The following APP variants were observed in gnomAD, a reference collection of about 807,000 sequenced individuals.
APP encodes amyloid beta precursor protein.
Under a neutral mutation model 101.4 loss-of-function variants are expected in APP, and 31 were observed. The observed-to-expected ratio is 0.31, with a 90% CI of 0.23 to 0.41. The LOEUF (loss-of-function observed/expected upper bound fraction) is 0.41, where lower values mean the gene tolerates loss of function less well. Among genes scored for constraint, APP ranks in the 10% least tolerant of loss-of-function variants. The pLI, the probability that APP is intolerant of heterozygous loss-of-function variation, is 1.00. For missense variants in APP, 839 were observed against 1,003.7 expected, an observed-to-expected ratio of 0.84 and a Z score of 2.22; for synonymous variants, 366 against 364.4, an observed-to-expected ratio of 1.00 and a Z score of -0.05.
In APP at chr21:26,000,279, CA is replaced by C; in HGVS notation, c.866-98del. 2.0e-6 allele frequency: 3 copies of C among 1,474,202 alleles called. No individual in the cohort carries two copies. In the East Asian group the frequency reaches 6.9e-5, roughly 34 times the overall value. The allele number at this position is 1,474,202 out of a possible 1,614,324, so 91.3% of individuals were successfully genotyped here. On this transcript the variant is annotated intron_variant, in intron 6 of 17. Coordinates refer to ENST00000346798, the MANE Select transcript of APP (RefSeq NM_000484.4). Reference sequence around the variant, plus strand: ...TTACTTCTTTTAATCCTCCCAGTGGCAACCTGGACTGGTTTATTAGGCAGCA... The same window carrying C: ...TTACTTCTTTTAATCCTCCCAGTGGCACCTGGACTGGTTTATTAGGCAGCA...
In APP at chr21:26,170,731, C is replaced by G. The variant is rs459543; in HGVS notation, c.-111G>C. On this transcript the variant is annotated 5_prime_UTR_variant, in exon 1 of 18. Transcript: ENST00000346798. ...GTCTCCCGGGGCCCCCGCGCACGCT[C>G]CTCCGCGTGCTCTCGCCTACCGCTG... 48,540 of 1,143,326 alleles carry G rather than the reference C, an allele frequency of 0.042. 2,437 individuals are homozygous for G. Among genetic ancestry groups the G allele is most frequent in the East Asian group, 0.19 (6,043 of 32,086 alleles). 70.8% of individuals were successfully genotyped at this position (1,143,326 alleles called of 1,614,324 possible).
chr21:26,104,628 A>G (rs1194514560), intron 2 of APP, among the ~76,000 whole-genome samples: 1 of 152,220 alleles, frequency 6.6e-6, no homozygotes, highest in Non-Finnish European at 1.5e-5. Flanking sequence ...CAAGGGCAAA[A>G]AAAACACTAT....
intron 3 of APP, among the ~76,000 whole-genome samples, chr21:26,083,404 T>C (rs1320143872): frequency 6.6e-6 from 1 of 152,166 alleles, no homozygotes; most frequent in Non-Finnish European, 1.5e-5. Flanking sequence ...CTAAAAATGT[T>C]AGGTGTAAAA....
rs977732850 is a variant in APP, at chr21:26,115,331, C to G, written c.58-3185G>C. On this transcript the variant is annotated intron_variant, in intron 1 of 17. Transcript: ENST00000346798. ...TTTCTCAAGTAAAATTTTTTCCCCCCGAACCAACACCAGATGTGTATATGG... is the reference window on the plus strand; with the variant it reads ...TTTCTCAAGTAAAATTTTTTCCCCCGGAACCAACACCAGATGTGTATATGG... Among the ~76,000 whole-genome samples the G allele has an allele frequency of 2.7e-5, 4 of 149,516 alleles. No homozygotes were observed. In the East Asian group the frequency reaches 6.0e-4, roughly 22 times the overall value.
At chr21:25,904,440 T>C (rs975539149) in intron 15 of APP, among the ~76,000 whole-genome samples, 4 of 152,276 alleles carry the variant, frequency 2.6e-5, no homozygotes, top group Non-Finnish European at 5.9e-5. Context: ...CATCCACATC[T>C]GTTGTGTTAC....
chr21:26,014,449 A>G (rs1329560419), intron 6 of APP, among the ~76,000 whole-genome samples: 1 of 152,172 alleles, frequency 6.6e-6, no homozygotes, highest in Non-Finnish European at 1.5e-5. Flanking sequence ...GTGCTCTATC[A>G]CCCAGTAAAT....
At chr21:25,913,794 C>CT (rs1046118405) in intron 13 of APP, among the ~76,000 whole-genome samples, 1 of 152,074 alleles carries the variant, frequency 6.6e-6, no homozygotes, top group African/African-American at 2.4e-5. Context: ...TCTTTTTACT[C>CT]TTTTTTTCTC....
chr21:26,031,716 C>CT (rs2044835699), intron 5 of APP, among the ~76,000 whole-genome samples: 1 of 151,520 alleles, frequency 6.6e-6, no homozygotes, highest in Admixed American at 6.6e-5. Flanking sequence ...TGGGTCCCTC[C>CT]ACAACATGTG....
intron 3 of APP, among the ~76,000 whole-genome samples, chr21:26,080,231 CT>C (rs1470612270): frequency 6.6e-6 from 1 of 152,094 alleles, no homozygotes; most frequent in Admixed American, 6.5e-5. Flanking sequence ...ACTTGTAACA[CT>C]TAATAATCTC....
intron 13 of APP, among the ~76,000 whole-genome samples, chr21:25,944,541 A>C (rs560049083): frequency 7.0e-4 from 107 of 152,234 alleles, no homozygotes; most frequent in Non-Finnish European, 1.4e-3. Flanking sequence ...AAGCAAATTA[A>C]CATGTCTTCC....
intron 9 of APP, among the ~76,000 whole-genome samples, chr21:25,976,636 G>A (rs1568794975): frequency 6.6e-6 from 1 of 152,168 alleles, no homozygotes; most frequent in African/African-American, 2.4e-5. Context: ...CAAGGATTAC[G>A]CTAAGTCCTT....
At chr21:25,989,106 G>A (rs747496902) in intron 8 of APP, among the ~76,000 whole-genome samples, 6 of 152,114 alleles carry the variant, frequency 3.9e-5, no homozygotes, top group African/African-American at 7.2e-5. Flanking sequence ...AGACACCAAC[G>A]AAACATTTTC....
At chr21:26,043,299 G>A (rs946599792) in intron 5 of APP, among the ~76,000 whole-genome samples, 2 of 151,958 alleles carry the variant, frequency 1.3e-5, no homozygotes, top group Non-Finnish European at 2.9e-5. Flanking sequence ...GCAGTGGTGC[G>A]ATCTCAGCTC....
intron 13 of APP, among the ~76,000 whole-genome samples, chr21:25,953,686 C>T (rs1337189957): frequency 6.6e-6 from 1 of 152,144 alleles, no homozygotes; most frequent in Admixed American, 6.5e-5. Flanking sequence ...CATCTATGTA[C>T]CTTTGTGAAG....
At chr21:26,104,998 T>G (rs1056656934) in intron 2 of APP, among the ~76,000 whole-genome samples, 8 of 144,840 alleles carry the variant, frequency 5.5e-5, no homozygotes, top group African/African-American at 2.1e-4. Flanking sequence ...CCACCACTAT[T>G]GGGAGAAAAA....
At chr21:26,051,277 C>T in intron 4 of APP, 84 bp from the exon 5 acceptor site, 3 of 1,348,930 alleles carry the variant, frequency 2.2e-6, no homozygotes, top group Admixed American at 3.9e-5. Flanking sequence ...AATCAACATG[C>T]AGACCCAATA....
intron 15 of APP, among the ~76,000 whole-genome samples, chr21:25,901,494 A>G (rs190574303): frequency 7.2e-5 from 11 of 152,336 alleles, no homozygotes; most frequent in Admixed American, 4.6e-4. Context: ...AGCTCTTGCT[A>G]TAATAGTTCA....
At chr21:26,059,089 A>AT (rs1345288468) in intron 3 of APP, among the ~76,000 whole-genome samples, 13 of 152,100 alleles carry the variant, frequency 8.5e-5, no homozygotes, top group African/African-American at 3.1e-4. Context: ...TCAAAAAAAA[A>AT]AATAATAATA....
Position 25,988,702 on chromosome 21 carries a change from C to CAAA in APP, c.1091-6228_1091-6226dup, listed in dbSNP as rs537417600. Among the ~76,000 whole-genome samples, 80 of 62,348 alleles carry CAAA rather than the reference C, an allele frequency of 1.3e-3. 1 individual carries two copies. Among genetic ancestry groups the CAAA allele is most frequent in the African/African-American group, 4.7e-3 (73 of 15,582 alleles). 40.9% of individuals were successfully genotyped at this position (62,348 alleles called of 152,430 possible). A position where few individuals can be genotyped will look rare whatever the true frequency, so the allele number is the denominator to read the frequency against. On this transcript the variant is annotated intron_variant, in intron 8 of 17. Coordinates refer to ENST00000346798, the MANE Select transcript of APP (RefSeq NM_000484.4). Reference sequence around the variant, plus strand: ...GGGTGATAACAGCGAAACTCTGTCTCAAAAAAAAAAAAAAAAAAAAAGGAG... The same window carrying CAAA: ...GGGTGATAACAGCGAAACTCTGTCTCAAAAAAAAAAAAAAAAAAAAAAAAGGAG...
Sources: gnomAD v4.1 joint callset for allele counts (sites outside exome capture counted in the v4.1 genomes callset) on GRCh38, gnomAD v4.1.1 for gene constraint, MANE v1.5 for transcripts, NCBI Gene and HGNC (gene_info 2026-07-23, HGNC 2026-07-21) for gene names.